DENND2B: variants seen among roughly 807,000 people sequenced by gnomAD.
DENND2B encodes DENN domain containing 2B, also known as DENN domain-containing protein 2B.
DENND2B carries 32 observed loss-of-function variants against 116.0 expected under a neutral mutation model. The ratio of observed to expected loss-of-function variants is 0.28; its 90% confidence interval spans 0.21 to 0.37. The LOEUF (loss-of-function observed/expected upper bound fraction) is 0.37, where lower values mean the gene tolerates loss of function less well. Ranked by LOEUF, DENND2B falls within the 10% of genes least tolerant of loss-of-function variation. The pLI is 1.00. For missense variants in DENND2B, 1,276 were observed against 1,477.7 expected, an observed-to-expected ratio of 0.86 and a Z score of 2.24; for synonymous variants, 588 against 583.9, an observed-to-expected ratio of 1.01 and a Z score of -0.10.
chr11:8,850,100 A>C (rs1456222423), intron 3 of DENND2B, among the ~76,000 whole-genome samples: 2 of 152,158 alleles, frequency 1.3e-5, no homozygotes, highest in Non-Finnish European at 2.9e-5. Context: ...GTGCCACCTC[A>C]CTCTGGCTTG....
At chr11:8,905,028 T>C (rs917026449) in intron 1 of DENND2B, among the ~76,000 whole-genome samples, 1 of 152,120 alleles carries the variant, frequency 6.6e-6, no homozygotes, top group Non-Finnish European at 1.5e-5. Flanking sequence ...TCAACAGTTG[T>C]TACACAGAAG....
At chr11:8,695,774 C>A in intron 18 of DENND2B, 1 of 562,694 alleles carries the variant, frequency 1.8e-6, no homozygotes, top group Non-Finnish European at 3.2e-6. Context: ...TCCCCATGCA[C>A]ATTCCCAAGC....
In DENND2B at chr11:8,707,762, G is replaced by C; in HGVS notation, c.2430+15C>G. On this transcript the variant is annotated intron_variant, in intron 12 of 19. Coordinates refer to ENST00000313726, the MANE Select transcript of DENND2B (RefSeq NM_213618.2). This position sits in a 1 kb window ranked among gnomAD's most constrained non-coding sequence, Gnocchi z 4.8. ...AGCTGGGGGACGGGGAGGGAAGCCT[G>C]CCAGAGCCTCTTACCTTGGAAAACA... is the stretch of plus-strand genomic sequence containing the variant. The C allele has an allele frequency of 6.3e-7, 1 of 1,598,966 alleles. No homozygotes were observed. Among genetic ancestry groups the C allele is most frequent in the Non-Finnish European group, 8.5e-7 (1 of 1,172,958 alleles).
chr11:8,806,744 T>C (rs1300366913), intron 1 of DENND2B, among the ~76,000 whole-genome samples: 1 of 151,828 alleles, frequency 6.6e-6, no homozygotes, highest in African/African-American at 2.4e-5. Flanking sequence ...CACCCAGTAG[T>C]TCCTCCGACC....
chr11:8,840,965 G>C (rs2062602739), intron 3 of DENND2B, among the ~76,000 whole-genome samples: 1 of 152,096 alleles, frequency 6.6e-6, no homozygotes, highest in African/African-American at 2.4e-5. Context: ...ACTCCCAACA[G>C]TAACTGTGAT....
chr11:8,902,185 G>T (rs913963522), intron 1 of DENND2B, among the ~76,000 whole-genome samples: 6 of 152,044 alleles, frequency 3.9e-5, no homozygotes, highest in African/African-American at 1.4e-4. Flanking sequence ...AAGTAGCCGG[G>T]TGTGGTGGCA....
At chr11:8,809,649 T>G (rs908390467) in intron 1 of DENND2B, 6 of 152,180 alleles carry the variant, frequency 3.9e-5, no homozygotes, top group African/African-American at 1.4e-4. Context: ...AGAACAAGTT[T>G]TACCAAAACT....
chr11:8,720,743 G>A (rs2046015754), intron 4 of DENND2B, among the ~76,000 whole-genome samples: 1 of 152,222 alleles, frequency 6.6e-6, no homozygotes. Flanking sequence ...CAGGGGACCA[G>A]GGGATGGAGA....
At chr11:8,753,591 C>T (rs896481329) in intron 1 of DENND2B, among the ~76,000 whole-genome samples, 27 of 151,970 alleles carry the variant, frequency 1.8e-4, no homozygotes, top group African/African-American at 5.6e-4. Context: ...GCAAGGGATA[C>T]AGGACAGCCA....
chr11:8,890,343 C>T (rs1251729934), intron 1 of DENND2B, among the ~76,000 whole-genome samples: 1 of 152,216 alleles, frequency 6.6e-6, no homozygotes, highest in Non-Finnish European at 1.5e-5. Context: ...ACATCTCCCC[C>T]TCCAAAGGAA....
rs200513030 is a variant in DENND2B, at chr11:8,880,356, T to G, written c.-156+654A>C. 3.9e-5 allele frequency among the ~76,000 whole-genome samples: 5 copies of G among 128,526 alleles called. No individual in the cohort carries two copies. In the East Asian group the frequency reaches 1.6e-3, roughly 42 times the overall value. 84.3% of individuals were successfully genotyped at this position (128,526 alleles called of 152,430 possible). On this transcript the variant is annotated intron_variant, in intron 2 of 22. Transcript: ENST00000534127. ...GCTGTCACTTTGAACTGTGTGTGTG[T>G]GTGTGTGTGTGTGTGTGTGTGTGTG...
intron 1 of DENND2B, among the ~76,000 whole-genome samples, chr11:8,896,687 A>G (rs1291924703): frequency 6.6e-6 from 1 of 152,240 alleles, no homozygotes; most frequent in Admixed American, 6.5e-5. Context: ...TACAGCATTC[A>G]ATAAATTACA....
chr11:8,772,253 A>G (rs1053007896), intron 1 of DENND2B, among the ~76,000 whole-genome samples: 1 of 152,108 alleles, frequency 6.6e-6, no homozygotes, highest in Admixed American at 6.5e-5. Flanking sequence ...AGTAGGGTTA[A>G]TAGTAAGTCA....
chr11:8,886,561 ATC>A (rs1447111579), intron 1 of DENND2B, among the ~76,000 whole-genome samples: 1 of 151,840 alleles, frequency 6.6e-6, no homozygotes, highest in Non-Finnish European at 1.5e-5. Flanking sequence ...ACAGACTATC[ATC>A]TTTCTCTGGC....
intron 1 of DENND2B, among the ~76,000 whole-genome samples, chr11:8,767,344 C>T (rs531195088): frequency 7.9e-5 from 12 of 152,112 alleles, no homozygotes; most frequent in East Asian, 7.7e-4. Flanking sequence ...GAAAGGCTCT[C>T]GTGTGAAAAA....
chr11:8,743,025 T>C (rs566135979), intron 2 of DENND2B, among the ~76,000 whole-genome samples: 167 of 150,860 alleles, frequency 1.1e-3, no homozygotes, highest in African/African-American at 3.9e-3. Context: ...GATCGCGCCA[T>C]TGCGCTCCAG....
intron 3 of DENND2B, among the ~76,000 whole-genome samples, chr11:8,843,400 A>C (rs1280804234): frequency 6.6e-6 from 1 of 152,162 alleles, no homozygotes; most frequent in Non-Finnish European, 1.5e-5. Context: ...CAATCAGCCC[A>C]TTGCTACTAA....
chr11:8,818,223 A>G (rs927673139), intron 4 of DENND2B, among the ~76,000 whole-genome samples: 1 of 147,132 alleles, frequency 6.8e-6, no homozygotes, highest in African/African-American at 2.5e-5. Flanking sequence ...AGATCACACC[A>G]CCGTACTCCA....
chr11:8,892,667 G>A (rs2064049051), intron 1 of DENND2B, among the ~76,000 whole-genome samples: 1 of 152,144 alleles, frequency 6.6e-6, no homozygotes, highest in South Asian at 2.1e-4. Flanking sequence ...TAAATTTCTG[G>A]ACACATACAC....
Sources: allele counts gnomAD v4.1 joint callset (sites outside exome capture counted in the v4.1 genomes callset), GRCh38; gene constraint gnomAD v4.1.1; non-coding constraint Gnocchi (gnomAD v3.1); transcripts MANE v1.5; gene names NCBI Gene and HGNC (gene_info 2026-07-23, HGNC 2026-07-21).